Variants in LRRK2 observed in about 807,000 individuals in gnomAD.
The protein encoded by LRRK2 is leucine-rich repeat serine/threonine-protein kinase 2.
LRRK2 carries 203 observed loss-of-function variants against 302.6 expected under a neutral mutation model. The observed-to-expected ratio is 0.67, with a 90% CI of 0.60 to 0.75. The LOEUF (loss-of-function observed/expected upper bound fraction) is 0.75, where lower values mean the gene tolerates loss of function less well. Among genes scored for constraint, LRRK2 ranks in the 30% least tolerant of loss-of-function variants. The pLI, the probability that LRRK2 is intolerant of heterozygous loss-of-function variation, is 0.00. For synonymous variants in LRRK2, 1,066 were observed against 1,031.9 expected (o/e 1.03, Z -0.63); for missense variants, 2,830 against 2,951.0 (o/e 0.96, Z 0.95).
intron 6 of LRRK2, 27 bp downstream of exon 6, chr12:40,240,644 T>C (rs1941682262): frequency 6.2e-7 from 1 of 1,603,642 alleles, no homozygotes; most frequent in African/African-American, 1.3e-5. Flanking sequence ...TGTTATTTAT[T>C]TTTTGTATCT....
intron 7 of LRRK2, 70 bp downstream of exon 7, chr12:40,243,751 TGCA>T: frequency 7.5e-7 from 1 of 1,339,264 alleles, no homozygotes; most frequent in Non-Finnish European, 1.1e-6. Context: ...ATATATATGT[TGCA>T]TAATAATGGA....
intron 40 of LRRK2, among the ~76,000 whole-genome samples, chr12:40,339,374 A>G (rs1055281015): frequency 1.3e-5 from 2 of 152,206 alleles, no homozygotes; most frequent in Non-Finnish European, 2.9e-5. Context: ...AATTTTATAG[A>G]CATCTAATGT....
At chr12:40,278,839 ATCTT>A (rs1943567492) in intron 18 of LRRK2, among the ~76,000 whole-genome samples, 1 of 152,188 alleles carries the variant, frequency 6.6e-6, no homozygotes, top group Non-Finnish European at 1.5e-5. Context: ...AATTCAAATT[ATCTT>A]TCTTTAAAGC....
At chr12:40,233,836 C>T (rs1941312401) in intron 3 of LRRK2, among the ~76,000 whole-genome samples, 1 of 152,168 alleles carries the variant, frequency 6.6e-6, no homozygotes, top group Admixed American at 6.5e-5. Context: ...CTCACTTACT[C>T]ATTCACTCAC....
intron 38 of LRRK2, 107 bp from the exon 39 acceptor site, chr12:40,328,253 G>C (rs1945609554): frequency 4.9e-6 from 4 of 820,012 alleles, no homozygotes; most frequent in Non-Finnish European, 8.2e-6. Context: ...AAGTAGGTCA[G>C]GTTTCTATTC....
intron 14 of LRRK2, among the ~76,000 whole-genome samples, chr12:40,273,949 A>G (rs1943341632): frequency 6.6e-6 from 1 of 152,124 alleles, no homozygotes; most frequent in Non-Finnish European, 1.5e-5. Flanking sequence ...AGGTTGGATG[A>G]TGTCGTAATT....
chr12:40,295,351 G>A lies in LRRK2; in HGVS notation c.2879-76G>A, dbSNP rs576208799. ...TTGAAGAAAGCCTGATTGCTAGGAGGTGCTCACTAAACTTTTACTACATGA... is the reference window on the plus strand; with the variant it reads ...TTGAAGAAAGCCTGATTGCTAGGAGATGCTCACTAAACTTTTACTACATGA... On this transcript the variant is annotated intron_variant, in intron 22 of 50. Transcript: ENST00000298910. The A allele has an allele frequency of 1.0e-4, 139 of 1,337,888 alleles. 1 individual carries two copies. The South Asian group carries it at 1.6e-3, about 15-fold the overall frequency. 82.9% of individuals were successfully genotyped at this position (1,337,888 alleles called of 1,614,324 possible).
In LRRK2 at chr12:40,346,744, T is replaced by C; in HGVS notation, c.6110-9T>C. 1 of 1,613,438 alleles carries C rather than the reference T, an allele frequency of 6.2e-7. No homozygotes were observed. The highest frequency in any genetic ancestry group is 8.5e-7 in the Non-Finnish European group (1 of 1,179,578). ...GGTCATATTTATTATTTTATCTGCT[T>C]ACTTTCAGGGTTTCGTGCACCTGAA... is the stretch of plus-strand genomic sequence containing the variant. On this transcript the variant is annotated splice_polypyrimidine_tract_variant and intron_variant, in intron 41 of 50. Coordinates refer to ENST00000298910, the MANE Select transcript of LRRK2 (RefSeq NM_198578.4).
chr12:40,311,161 T>G (rs952369836), intron 31 of LRRK2, among the ~76,000 whole-genome samples: 3 of 152,178 alleles, frequency 2.0e-5, no homozygotes, highest in African/African-American at 4.8e-5. Context: ...CCCTCCGTAT[T>G]GTGAGGCAGC....
intron 46 of LRRK2, among the ~76,000 whole-genome samples, chr12:40,357,167 C>G (rs762602305): frequency 6.6e-5 from 10 of 152,202 alleles, no homozygotes; most frequent in Non-Finnish European, 1.0e-4. Context: ...TTAGCTCCCA[C>G]ATATGAGTGA....
At chr12:40,352,607 G>A (rs1407398250) in intron 44 of LRRK2, among the ~76,000 whole-genome samples, 2 of 150,846 alleles carry the variant, frequency 1.3e-5, no homozygotes, top group African/African-American at 2.4e-5. Flanking sequence ...AGGACCCTGC[G>A]GCCTTCCGTA....
At chr12:40,326,397 C>T (rs543103230) in intron 38 of LRRK2, among the ~76,000 whole-genome samples, 2 of 146,726 alleles carry the variant, frequency 1.4e-5, no homozygotes, top group Admixed American at 1.4e-4. Context: ...ACCTGGGAGG[C>T]GGAGCTTGCA....
intron 31 of LRRK2, 126 bp from the exon 32 acceptor site, chr12:40,313,846 A>T (rs12302298): frequency 4.2e-6 from 3 of 707,682 alleles, no homozygotes; most frequent in South Asian, 3.6e-5. Flanking sequence ...TTTTGATTTT[A>T]TTTAAAAATG....
At chr12:40,351,490 A>C (rs1946349627) in intron 43 of LRRK2, 49 bp from the exon 44 acceptor site, 3 of 1,576,894 alleles carry the variant, frequency 1.9e-6, no homozygotes, top group Admixed American at 1.7e-5. Context: ...TTTCAAGGGA[A>C]ATGAGTTAAC....
intron 46 of LRRK2, among the ~76,000 whole-genome samples, 167 bp from the exon 47 acceptor site, chr12:40,359,093 C>T: frequency 6.6e-6 from 1 of 151,914 alleles, no homozygotes; most frequent in South Asian, 2.1e-4. Context: ...ACTCATTTAT[C>T]AGAACTAAGA....
chr12:40,321,004 T>C (rs1433369653), intron 34 of LRRK2, 30 bp from the exon 35 acceptor site: 3 of 1,611,368 alleles, frequency 1.9e-6, no homozygotes, highest in African/African-American at 1.3e-5. Context: ...TTTGTGAGGC[T>C]GTATAACCAT....
intron 46 of LRRK2, among the ~76,000 whole-genome samples, chr12:40,357,827 C>T (rs190607087): frequency 1.8e-4 from 28 of 152,304 alleles, no homozygotes; most frequent in Middle Eastern, 3.4e-3. Flanking sequence ...GGCTGGCTCA[C>T]AGTGGCATGA....
intron 13 of LRRK2, among the ~76,000 whole-genome samples, chr12:40,262,814 A>C (rs775090466): frequency 1.3e-5 from 2 of 152,218 alleles, no homozygotes; most frequent in Non-Finnish European, 2.9e-5. Context: ...CAGCCTCAGA[A>C]GTTACTGTGG....
intron 31 of LRRK2, among the ~76,000 whole-genome samples, 187 bp from the exon 32 acceptor site, chr12:40,313,784 AT>A (rs1433076440): frequency 2.6e-5 from 4 of 151,746 alleles, no homozygotes; most frequent in African/African-American, 9.7e-5. Context: ...CAATTTTCCT[AT>A]TTTAATTTCA....
Sources: gnomAD v4.1 joint callset for allele counts (sites outside exome capture counted in the v4.1 genomes callset) on GRCh38, gnomAD v4.1.1 for gene constraint, MANE v1.5 for transcripts, NCBI Gene and HGNC (gene_info 2026-07-23, HGNC 2026-07-21) for gene names.